The following UTRN variants were observed in gnomAD, a reference collection of about 807,000 sequenced individuals.
UTRN encodes dystrophin-related protein 1.
In UTRN, 283 loss-of-function variants were observed where a neutral mutation model predicts 463.9. The observed-to-expected ratio is 0.61, with a 90% confidence interval of 0.55 to 0.67. UTRN has a LOEUF of 0.67. Among genes scored for constraint, UTRN ranks in the 30% least tolerant of loss-of-function variants. The pLI is 0.00. For synonymous variants in UTRN, 1,442 were observed against 1,431.5 expected, an observed-to-expected ratio of 1.01 and a Z score of -0.17; for missense variants, 3,922 against 4,084.3, an observed-to-expected ratio of 0.96 and a Z score of 1.08.
chr6:144,340,616 C>A (rs893737957), intron 2 of UTRN, among the ~76,000 whole-genome samples: 8 of 152,126 alleles, frequency 5.3e-5, no homozygotes, highest in Non-Finnish European at 1.2e-4. Flanking sequence ...AGGCTGGCAG[C>A]CAGTTGCTAT....
chr6:144,530,555 G>A (rs1796955063), intron 41 of UTRN, among the ~76,000 whole-genome samples: 1 of 151,922 alleles, frequency 6.6e-6, no homozygotes, highest in African/African-American at 2.4e-5. Context: ...TAAGTGTTCT[G>A]GTAGTAAAAC....
chr6:144,734,435 C>T (rs541407669), intron 54 of UTRN, among the ~76,000 whole-genome samples: 9 of 152,262 alleles, frequency 5.9e-5, no homozygotes, highest in Non-Finnish European at 1.0e-4. Flanking sequence ...TCAACATTTA[C>T]GAAATTCCTT....
At chr6:144,762,980 A>G (rs1259141545) in intron 58 of UTRN, among the ~76,000 whole-genome samples, 1 of 152,180 alleles carries the variant, frequency 6.6e-6, no homozygotes, top group Non-Finnish European at 1.5e-5. Context: ...ACAGATGACT[A>G]TTCTGTTCTT....
At chr6:144,744,626 CACAT>C (rs1393977438) in intron 54 of UTRN, among the ~76,000 whole-genome samples, 2,225 of 60,584 alleles carry the variant, frequency 0.037, 58 homozygotes, top group East Asian at 0.36. Context: ...CACACACACA[CACAT>C]ACACACACAC....
chr6:144,499,426 A>G lies in UTRN; in HGVS notation c.4763A>G (p.Lys1588Arg). Residue 1588 changes from lysine (K) to arginine (R), a missense_variant and splice_region_variant, in exon 34 of 75, where the codon AAA (lysine) becomes AGA (arginine). Physicochemically the swap from Lys to Arg is conservative, Grantham distance 26. This residue lies in a region of UTRN where 2,349 missense variants were observed against 2,303.8 expected (regional missense o/e 1.02). Coordinates refer to ENST00000367545, the MANE Select transcript of UTRN (RefSeq NM_007124.3). Reference protein sequence around the residue: ...GDLDTEISWAKNVLKDLEKRK... With the variant: ...GDLDTEISWARNVLKDLEKRK... ...TTGGATACAGAAATTTCCTGGGCTA[A>G]AGTAAGTTGCAGTTCAGATGAAACA... is the stretch of plus-strand genomic sequence containing the variant. 5 of 1,605,254 alleles carry G rather than the reference A, an allele frequency of 3.1e-6. No individual in the cohort carries two copies. Among genetic ancestry groups the G allele is most frequent in the Non-Finnish European group, 4.3e-6 (5 of 1,173,260 alleles).
chr6:144,403,573 A>G (rs1043386082), intron 3 of UTRN, among the ~76,000 whole-genome samples: 1 of 152,146 alleles, frequency 6.6e-6, no homozygotes, highest in African/African-American at 2.4e-5. Context: ...CAGTCTTTCT[A>G]CCCTGTCAGA....
At chr6:144,621,331 C>G (rs1775355576) in intron 51 of UTRN, among the ~76,000 whole-genome samples, 1 of 152,082 alleles carries the variant, frequency 6.6e-6, no homozygotes, top group African/African-American at 2.4e-5. Context: ...GTATATGAAA[C>G]TTTTTATGGT....
At chr6:144,436,276 T>A in intron 10 of UTRN, 138 bp downstream of exon 10, 1 of 926,100 alleles carries the variant, frequency 1.1e-6, no homozygotes, top group South Asian at 1.7e-5. Flanking sequence ...AACTGTGATA[T>A]TTAAATAGTG....
At chr6:144,809,853 A>T (rs1778458260) in intron 65 of UTRN, among the ~76,000 whole-genome samples, 3 of 152,134 alleles carry the variant, frequency 2.0e-5, no homozygotes. Context: ...TCTTCTTCCC[A>T]TCTTAGTTTC....
intron 9 of UTRN, among the ~76,000 whole-genome samples, chr6:144,435,500 A>G (rs1243075430): frequency 1.3e-5 from 2 of 152,220 alleles, no homozygotes. Flanking sequence ...GTCAAGGCAG[A>G]ATTCTCACCT....
intron 2 of UTRN, among the ~76,000 whole-genome samples, chr6:144,373,730 CT>C (rs1352429260): frequency 1.3e-5 from 2 of 152,198 alleles, no homozygotes; most frequent in Non-Finnish European, 2.9e-5. Flanking sequence ...TACCATGCCC[CT>C]AACATGGTAA....
intron 51 of UTRN, among the ~76,000 whole-genome samples, chr6:144,604,666 C>A (rs1369450174): frequency 6.6e-6 from 1 of 152,050 alleles, no homozygotes; most frequent in East Asian, 1.9e-4. Flanking sequence ...GTAATCCCAG[C>A]ACTTTGGGAG....
rs117231939 is a variant in UTRN, at chr6:144,530,959, T to A, written c.5907-93T>A. ...ATTCAGTTGTTTGAGGTCTTTCTGTTTAAATGAAATTTGATTTTCTTTTTT... is the reference window on the plus strand; with the variant it reads ...ATTCAGTTGTTTGAGGTCTTTCTGTATAAATGAAATTTGATTTTCTTTTTT... On this transcript the variant is annotated intron_variant, in intron 41 of 74. Coordinates refer to ENST00000367545, the MANE Select transcript of UTRN (RefSeq NM_007124.3). The A allele has an allele frequency of 6.8e-3, 9,487 of 1,390,196 alleles. 43 individuals carry two copies. The highest frequency in any genetic ancestry group is 0.013 in the Middle Eastern group (52 of 3,920). 86.1% of individuals were successfully genotyped at this position (1,390,196 alleles called of 1,614,324 possible).
At chr6:144,487,738 T>A in intron 29 of UTRN, 41 bp downstream of exon 29, 1 of 1,551,756 alleles carries the variant, frequency 6.4e-7, no homozygotes, top group Non-Finnish European at 8.7e-7. Context: ...TAGGTATTGA[T>A]GAAGTGGAGC....
intron 2 of UTRN, among the ~76,000 whole-genome samples, chr6:144,388,091 T>G (rs903894593): frequency 2.0e-5 from 3 of 152,218 alleles, no homozygotes; most frequent in African/African-American, 7.2e-5. Flanking sequence ...TTAGAAAATA[T>G]GGCTAACAAA....
chr6:144,443,792 A>G (rs1787397240), intron 13 of UTRN, among the ~76,000 whole-genome samples: 1 of 152,110 alleles, frequency 6.6e-6, no homozygotes, highest in South Asian at 2.1e-4. Context: ...CTCTTATTCA[A>G]AACAGGTTTT....
At chr6:144,626,765 G>A (rs1198648890) in intron 51 of UTRN, among the ~76,000 whole-genome samples, 3 of 152,070 alleles carry the variant, frequency 2.0e-5, no homozygotes, top group South Asian at 2.1e-4. Context: ...TCAGCCTCCC[G>A]AGTAGCTGGG....
intron 28 of UTRN, 83 bp downstream of exon 28, chr6:144,485,602 C>T (rs1277402112): frequency 1.0e-5 from 16 of 1,558,258 alleles, no homozygotes; most frequent in Admixed American, 5.8e-5. Flanking sequence ...TAATGCTTTA[C>T]GCAGGCAAAT....
rs17073672 is a variant in UTRN, at chr6:144,330,026, G to C, written c.79+38119G>C. On this transcript the variant is annotated intron_variant, in intron 2 of 74. Coordinates refer to ENST00000367545, the MANE Select transcript of UTRN (RefSeq NM_007124.3). ...ATACAAATAGTTGTTTAACTGCTTAGAGGGTAGACATTCTGCAGTGCTGTC... is the reference window on the plus strand; with the variant it reads ...ATACAAATAGTTGTTTAACTGCTTACAGGGTAGACATTCTGCAGTGCTGTC... Among the ~76,000 whole-genome samples the C allele has an allele frequency of 0.012, 1,884 of 152,314 alleles. 65 individuals are homozygous for C. In the East Asian group the frequency reaches 0.14, roughly 11 times the overall value.
Sources: allele counts gnomAD v4.1 joint callset (sites outside exome capture counted in the v4.1 genomes callset), GRCh38; gene constraint gnomAD v4.1.1; regional missense constraint gnomAD v4.1.1; transcripts MANE v1.5; gene names NCBI Gene and HGNC (gene_info 2026-07-23, HGNC 2026-07-21).